GRM7: variants seen among roughly 807,000 people sequenced by gnomAD.
The protein encoded by GRM7 is glutamate metabotropic receptor 7, also known as metabotropic glutamate receptor 7.
A neutral mutation model predicts 84.5 loss-of-function variants in GRM7; 35 were observed. The ratio of observed to expected loss-of-function variants is 0.41; its 90% CI spans 0.32 to 0.55. The LOEUF (loss-of-function observed/expected upper bound fraction) is 0.55, where lower values mean the gene tolerates loss of function less well. Among genes scored for constraint, GRM7 ranks in the 20% least tolerant of loss-of-function variants. The pLI is 0.19. For missense variants in GRM7, 1,003 were observed against 1,194.6 expected (o/e 0.84, Z 2.36); for synonymous variants, 487 against 455.1 (o/e 1.07, Z -0.89).
chr3:7,647,378 C>T (rs1698695821), intron 8 of GRM7, among the ~76,000 whole-genome samples: 4 of 152,234 alleles, frequency 2.6e-5, no homozygotes, highest in South Asian at 4.1e-4. Flanking sequence ...AACACATTTA[C>T]CTTGACCAAC....
intron 1 of GRM7, among the ~76,000 whole-genome samples, chr3:6,898,284 T>C (rs1216812888): frequency 1.3e-5 from 2 of 151,976 alleles, no homozygotes; most frequent in South Asian, 4.2e-4. Flanking sequence ...GAACTGGCAT[T>C]TGAATTGGGC....
intron 1 of GRM7, among the ~76,000 whole-genome samples, chr3:6,923,671 A>G (rs1179921619): frequency 6.6e-6 from 1 of 152,174 alleles, no homozygotes; most frequent in Non-Finnish European, 1.5e-5. Context: ...ACACATCAAC[A>G]CTTATTTTAG....
intron 1 of GRM7, among the ~76,000 whole-genome samples, chr3:6,967,459 T>G (rs1046858889): frequency 6.6e-6 from 1 of 152,114 alleles, no homozygotes; most frequent in Non-Finnish European, 1.5e-5. Flanking sequence ...TCTCCCAAAG[T>G]GTTGGGATTA....
At chr3:7,205,435 T>C (rs1183598347) in intron 2 of GRM7, among the ~76,000 whole-genome samples, 1 of 152,082 alleles carries the variant, frequency 6.6e-6, no homozygotes, top group Non-Finnish European at 1.5e-5. Context: ...GGGAACAGAG[T>C]CTGCCTTCAA....
chr3:7,708,231 C>A (rs895634846), intron 9 of GRM7, among the ~76,000 whole-genome samples: 7 of 151,506 alleles, frequency 4.6e-5, no homozygotes, highest in African/African-American at 1.7e-4. Flanking sequence ...TTTTTGAACA[C>A]GTGCTTTCAT....
intron 2 of GRM7, among the ~76,000 whole-genome samples, chr3:7,292,437 C>T (rs1699664589): frequency 6.6e-6 from 1 of 152,110 alleles, no homozygotes; most frequent in South Asian, 2.1e-4. Context: ...AACCTCAGTA[C>T]TACTCTGCCA....
At chr3:7,244,325 G>A (rs1047105735) in intron 2 of GRM7, among the ~76,000 whole-genome samples, 3 of 151,974 alleles carry the variant, frequency 2.0e-5, no homozygotes, top group South Asian at 2.1e-4. Flanking sequence ...TCACCCAATC[G>A]ACTGGTGGTG....
At chr3:7,574,208 G>T (rs1281199644) in intron 7 of GRM7, among the ~76,000 whole-genome samples, 1 of 146,884 alleles carries the variant, frequency 6.8e-6, no homozygotes, top group Non-Finnish European at 1.5e-5. Context: ...TGCCCAGGCT[G>T]GAGTGCAGAG....
At chr3:7,062,834 GTATT>G (rs1697479231) in intron 1 of GRM7, among the ~76,000 whole-genome samples, 1 of 151,778 alleles carries the variant, frequency 6.6e-6, no homozygotes, top group South Asian at 2.1e-4. Flanking sequence ...ATTTTACAAA[GTATT>G]TATCTTAGCT....
rs1292371522 is a variant in GRM7, at chr3:6,878,395, G to T, written c.519+16488G>T. ...TGTGTTTGCGTGTGTGTGTGTGTGTGTGTGTGTGTGTGTGTGTGTGTAGTA... is the reference window on the plus strand; with the variant it reads ...TGTGTTTGCGTGTGTGTGTGTGTGTTTGTGTGTGTGTGTGTGTGTGTAGTA... On this transcript the variant is annotated intron_variant, in intron 1 of 9. Transcript: ENST00000357716. Among the ~76,000 whole-genome samples, 5 of 151,344 alleles carry T rather than the reference G, an allele frequency of 3.3e-5. No homozygotes were observed. In the East Asian group the frequency reaches 9.7e-4, roughly 29 times the overall value.
intron 1 of GRM7, among the ~76,000 whole-genome samples, chr3:7,066,264 G>T (rs1697657683): frequency 6.6e-6 from 1 of 151,710 alleles, no homozygotes; most frequent in African/African-American, 2.4e-5. Flanking sequence ...AGATAAAACT[G>T]ATAGACCATT....
At chr3:6,901,275 G>A (rs1696370852) in intron 1 of GRM7, among the ~76,000 whole-genome samples, 2 of 152,120 alleles carry the variant, frequency 1.3e-5, no homozygotes, top group African/African-American at 2.4e-5. Flanking sequence ...TGCTTAAAAA[G>A]AGTTTTTCTT....
At chr3:7,465,186 T>C (rs913393025) in intron 7 of GRM7, among the ~76,000 whole-genome samples, 9 of 152,140 alleles carry the variant, frequency 5.9e-5, no homozygotes, top group Non-Finnish European at 1.0e-4. Context: ...TACTTTGTCA[T>C]GCTAAGAGTG....
chr3:6,981,878 G>C (rs1694220390), intron 1 of GRM7, among the ~76,000 whole-genome samples: 1 of 152,138 alleles, frequency 6.6e-6, no homozygotes, highest in Non-Finnish European at 1.5e-5. Context: ...CAGCCACCGT[G>C]GAAAGCAATT....
intron 8 of GRM7, among the ~76,000 whole-genome samples, chr3:7,639,428 ATTTCC>A (rs1698262387): frequency 6.6e-6 from 1 of 152,136 alleles, no homozygotes; most frequent in Non-Finnish European, 1.5e-5. Flanking sequence ...TATTGCAAGT[ATTTCC>A]TTTCACAACT....
intron 1 of GRM7, among the ~76,000 whole-genome samples, chr3:6,897,685 G>A (rs1355513976): frequency 1.3e-5 from 2 of 152,182 alleles, no homozygotes; most frequent in Admixed American, 6.5e-5. Context: ...TCACATAAAG[G>A]TAATAATGTG....
chr3:7,340,654 G>T (rs1701603525), intron 4 of GRM7, among the ~76,000 whole-genome samples: 1 of 152,034 alleles, frequency 6.6e-6, no homozygotes, highest in Non-Finnish European at 1.5e-5. Context: ...TTAGAAAGAG[G>T]GCATCCCCAG....
At chr3:7,252,974 G>C (rs1444956892) in intron 2 of GRM7, among the ~76,000 whole-genome samples, 1 of 135,846 alleles carries the variant, frequency 7.4e-6, no homozygotes, top group Non-Finnish European at 1.5e-5. Flanking sequence ...ACAGACAGGA[G>C]CCACTGCCTC....
chr3:7,520,383 G>A (rs1700550328), intron 7 of GRM7: 1 of 152,034 alleles, frequency 6.6e-6, no homozygotes, highest in African/African-American at 2.4e-5. Flanking sequence ...ATCCAGCTTA[G>A]GCATATAAAA....
Sources: gnomAD v4.1 joint callset for allele counts (sites outside exome capture counted in the v4.1 genomes callset) on GRCh38, gnomAD v4.1.1 for gene constraint, MANE v1.5 for transcripts, NCBI Gene and HGNC (gene_info 2026-07-23, HGNC 2026-07-21) for gene names.